Variants in RGL1 observed in about 807,000 individuals in gnomAD.
RGL1 encodes ral guanine nucleotide dissociation stimulator-like 1.
RGL1 carries 24 observed loss-of-function variants against 95.2 expected under a neutral mutation model. The observed-to-expected ratio is 0.25, with a 90% CI of 0.18 to 0.35. The LOEUF is 0.35. RGL1 is among the 10% of genes least tolerant of loss of function. The pLI, the probability that RGL1 is intolerant of heterozygous loss-of-function variation, is 1.00. For synonymous variants in RGL1, 329 were observed against 344.9 expected, an observed-to-expected ratio of 0.95 and a Z score of 0.51; for missense variants, 715 against 936.3, an observed-to-expected ratio of 0.76 and a Z score of 3.08.
intron 1 of RGL1, among the ~76,000 whole-genome samples, chr1:183,727,148 AC>A (rs1462677434): frequency 6.6e-6 from 1 of 152,298 alleles, no homozygotes; most frequent in East Asian, 1.9e-4. Context: ...TATATAAAAA[AC>A]GTAATACATG....
chr1:183,678,422 C>T (rs868477763), intron 1 of RGL1, among the ~76,000 whole-genome samples: 3 of 152,070 alleles, frequency 2.0e-5, no homozygotes, highest in Admixed American at 6.6e-5. Context: ...GTATCAGCAA[C>T]GTTAAAAATA....
At chr1:183,674,479 C>A (rs1652688026) in intron 1 of RGL1, among the ~76,000 whole-genome samples, 1 of 152,080 alleles carries the variant, frequency 6.6e-6, no homozygotes, top group East Asian at 1.9e-4. Flanking sequence ...TCCATGCAAC[C>A]TTTTTACTCT....
intron 1 of RGL1, among the ~76,000 whole-genome samples, chr1:183,663,945 C>G (rs903184324): frequency 6.6e-6 from 1 of 151,260 alleles, no homozygotes; most frequent in African/African-American, 2.4e-5. Context: ...TCATCATTCT[C>G]AGTAAACCAT....
At chr1:183,709,691 A>G (rs1210704508) in intron 1 of RGL1, 1 of 215,424 alleles carries the variant, frequency 4.6e-6, no homozygotes, top group Non-Finnish European at 9.9e-6. Flanking sequence ...GCTAGTGATC[A>G]TGTGTTGTGG....
rs1657221908 is a variant in RGL1 at position 183,740,461 on chromosome 1, T to C, written c.-32-1665T>C. ...AGAGAAGTAACTCCTCTGCAGATGATGATTTTCTTAAATCCGCTGACCCGT... is the reference window on the plus strand; with the variant it reads ...AGAGAAGTAACTCCTCTGCAGATGACGATTTTCTTAAATCCGCTGACCCGT... On this transcript the variant is annotated intron_variant, in intron 1 of 18. Coordinates refer to the RGL1 transcript ENST00000304685. Among the ~76,000 whole-genome samples, 5 of 152,232 alleles carry C rather than the reference T, an allele frequency of 3.3e-5. No homozygotes were observed. The South Asian group carries it at 6.2e-4, about 19-fold the overall frequency.
intron 2 of RGL1, among the ~76,000 whole-genome samples, chr1:183,827,918 G>C (rs1192260146): frequency 1.3e-5 from 2 of 152,184 alleles, no homozygotes; most frequent in Non-Finnish European, 2.9e-5. Flanking sequence ...AGCTCCATTG[G>C]TTACATAATA....
chr1:183,767,431 C>T (rs957066234), intron 2 of RGL1, among the ~76,000 whole-genome samples: 2 of 152,096 alleles, frequency 1.3e-5, no homozygotes, highest in African/African-American at 2.4e-5. Context: ...TACAAAAGCA[C>T]GTGACGGATA....
At chr1:183,663,302 C>T (rs944582131) in intron 1 of RGL1, among the ~76,000 whole-genome samples, 26 of 151,084 alleles carry the variant, frequency 1.7e-4, no homozygotes, top group Non-Finnish European at 3.7e-4. Flanking sequence ...AAAATTTTCG[C>T]AACCTACTCA....
intron 1 of RGL1, chr1:183,647,826 T>A (rs1211052214): frequency 6.2e-7 from 1 of 1,614,082 alleles, no homozygotes; most frequent in East Asian, 2.2e-5. Context: ...CATATTTAAG[T>A]GCCTTACGAT....
intron 2 of RGL1, among the ~76,000 whole-genome samples, chr1:183,806,903 G>A (rs1558218038): frequency 6.6e-6 from 1 of 152,182 alleles, no homozygotes; most frequent in Non-Finnish European, 1.5e-5. Flanking sequence ...ATCTCTAGGA[G>A]GTACCCAGAT....
intron 1 of RGL1, among the ~76,000 whole-genome samples, chr1:183,736,227 C>T (rs947365704): frequency 3.9e-5 from 6 of 152,116 alleles, no homozygotes; most frequent in Non-Finnish European, 7.4e-5. Context: ...AGTGAAACAC[C>T]GAAATCACCT....
intron 1 of RGL1, among the ~76,000 whole-genome samples, chr1:183,805,843 G>A (rs985442090): frequency 6.6e-6 from 1 of 152,082 alleles, no homozygotes; most frequent in African/African-American, 2.4e-5. Context: ...CCAAAGGAGT[G>A]AGGACTCTTG....
chr1:183,738,614 A>G (rs1227367310), intron 1 of RGL1, among the ~76,000 whole-genome samples: 1 of 152,098 alleles, frequency 6.6e-6, no homozygotes, highest in East Asian at 1.9e-4. Flanking sequence ...TAAAGAAAGT[A>G]TCGAGGCTGG....
At chr1:183,743,612 T>C (rs990316179) in intron 2 of RGL1, among the ~76,000 whole-genome samples, 2 of 152,172 alleles carry the variant, frequency 1.3e-5, no homozygotes, top group African/African-American at 2.4e-5. Flanking sequence ...GCAACTAATA[T>C]ATAAAAAGAA....
intron 2 of RGL1, among the ~76,000 whole-genome samples, chr1:183,780,963 C>A (rs1474540753): frequency 6.6e-6 from 1 of 152,200 alleles, no homozygotes; most frequent in Non-Finnish European, 1.5e-5. Context: ...TTATATTCCT[C>A]ACACTTCAGG....
At chr1:183,659,526 G>A (rs1173318999) in intron 1 of RGL1, among the ~76,000 whole-genome samples, 6 of 152,040 alleles carry the variant, frequency 3.9e-5, no homozygotes, top group South Asian at 2.1e-4. Context: ...AAAAAGAAAC[G>A]AACAAAGCCT....
At chr1:183,908,235 A>G (rs775138697) in intron 14 of RGL1, among the ~76,000 whole-genome samples, 6 of 152,068 alleles carry the variant, frequency 3.9e-5, no homozygotes, top group Non-Finnish European at 4.4e-5. Flanking sequence ...CACCTACTTC[A>G]GTGAGTCACA....
chr1:183,900,882 A>C (rs569966745), intron 11 of RGL1, among the ~76,000 whole-genome samples: 12 of 151,724 alleles, frequency 7.9e-5, no homozygotes, highest in Non-Finnish European at 1.6e-4. Context: ...CAAGACTTTA[A>C]GGCCGGGCGC....
At chr1:183,776,675 C>T (rs998662738) in intron 2 of RGL1, among the ~76,000 whole-genome samples, 1 of 152,092 alleles carries the variant, frequency 6.6e-6, no homozygotes, top group African/African-American at 2.4e-5. Context: ...ATACTAGAGA[C>T]TACAGGGAAT....
Sources: allele counts gnomAD v4.1 joint callset (sites outside exome capture counted in the v4.1 genomes callset), GRCh38; gene constraint gnomAD v4.1.1; transcripts MANE v1.5; gene names NCBI Gene and HGNC (gene_info 2026-07-23, HGNC 2026-07-21).